ADAT2: variants seen among roughly 807,000 people sequenced by gnomAD.
ADAT2 encodes adenosine deaminase tRNA specific 2.
In ADAT2, 26 loss-of-function variants were observed where a neutral mutation model predicts 25.9. The ratio of observed to expected loss-of-function variants is 1.00; its 90% CI spans 0.74 to 1.39. The LOEUF is 1.39. Among genes scored for constraint, ADAT2 ranks in the 40% most tolerant of loss-of-function variants. The pLI is 0.00. For missense variants in ADAT2, 220 were observed against 244.8 expected (o/e 0.90, Z 0.68); for synonymous variants, 76 against 86.8 (o/e 0.88, Z 0.69).
In ADAT2 at chr6:143,438,814, G is replaced by A; in HGVS notation, c.97-120C>T. The stretch of plus-strand genomic sequence containing the variant: ...ACAAAGACTGAAACAAAGAAGTGCA[G>A]CCTTCCCTTTTCTGGAATATAGTTC... On this transcript the variant is annotated intron_variant, in intron 1 of 5. Transcript: ENST00000237283. 3 of 781,852 alleles carry A rather than the reference G, an allele frequency of 3.8e-6. No homozygotes were observed. In the South Asian group the frequency reaches 4.8e-5, roughly 12 times the overall value. 48.4% of individuals were successfully genotyped at this position (781,852 alleles called of 1,614,324 possible). A position where few individuals can be genotyped will look rare whatever the true frequency, so the allele number is the denominator to read the frequency against.
rs1778894228 is a variant in ADAT2 at position 143,425,248 on chromosome 6, C to T, written c.*3215G>A. 6.6e-6 allele frequency: 1 copy of T among 151,690 alleles called. No individual in the cohort carries two copies. The highest frequency in any genetic ancestry group is 6.6e-5 in the Admixed American group (1 of 15,166). 9.4% of individuals were successfully genotyped at this position (151,690 alleles called of 1,614,324 possible). A position where few individuals can be genotyped will look rare whatever the true frequency, so the allele number is the denominator to read the frequency against. Reference sequence around the variant, plus strand: ...AGCTAAAGGCAGACCGGTGCAGTGGCTCACGTCTATAATCCCAGTGCTTTG... The same window carrying T: ...AGCTAAAGGCAGACCGGTGCAGTGGTTCACGTCTATAATCCCAGTGCTTTG... On this transcript the variant is annotated 3_prime_UTR_variant, in exon 6 of 6. Coordinates refer to ENST00000237283, the MANE Select transcript of ADAT2 (RefSeq NM_182503.3).
At chr6:143,429,197 T>C (rs1583969623) in intron 4 of ADAT2, among the ~76,000 whole-genome samples, 1 of 152,188 alleles carries the variant, frequency 6.6e-6, no homozygotes, top group Admixed American at 6.5e-5. Flanking sequence ...ATCTGTTCCA[T>C]AGCTGAGAAC....
rs1033499127 is a variant in ADAT2, at chr6:143,447,282, C to T, written c.96+3281G>A. Among the ~76,000 whole-genome samples the T allele has an allele frequency of 8.6e-5, 13 of 152,030 alleles. No individual in the cohort carries two copies. The East Asian group carries it at 1.9e-3, about 23-fold the overall frequency. On this transcript the variant is annotated intron_variant, in intron 1 of 5. Coordinates refer to ENST00000237283, the MANE Select transcript of ADAT2 (RefSeq NM_182503.3). Reference sequence around the variant, plus strand: ...AATAGACACATGTGGTTAGTGGCTACGATATTAGGCATTATGGTTTTAGAA... The same window carrying T: ...AATAGACACATGTGGTTAGTGGCTATGATATTAGGCATTATGGTTTTAGAA...
In ADAT2 at chr6:143,440,861, C is replaced by G. The variant is rs1056735776; in HGVS notation, c.97-2167G>C. Among the ~76,000 whole-genome samples the G allele has an allele frequency of 1.3e-5, 2 of 152,160 alleles. No individual in the cohort carries two copies. The highest frequency in any genetic ancestry group is 4.8e-5 in the African/African-American group (2 of 41,446). On this transcript the variant is annotated intron_variant, in intron 1 of 5. Coordinates refer to ENST00000237283, the MANE Select transcript of ADAT2 (RefSeq NM_182503.3). This position sits in a 1 kb window ranked among gnomAD's most constrained non-coding sequence, Gnocchi z 4.5. ...ATCAAGGTACACAGAAGAGACAAATCATTTATTCATGCAAAAAATATTTGT... is the reference window on the plus strand; with the variant it reads ...ATCAAGGTACACAGAAGAGACAAATGATTTATTCATGCAAAAAATATTTGT...
rs773350776 is a variant in ADAT2 at position 143,446,547 on chromosome 6, T to C, written c.96+4016A>G. 6.6e-6 allele frequency among the ~76,000 whole-genome samples: 1 copy of C among 152,166 alleles called. No homozygotes were observed. The highest frequency in any genetic ancestry group is 1.5e-5 in the Non-Finnish European group (1 of 68,032). ...AACTATTACAAAATTGGGGAAAGTA[T>C]ATGCCTCGGCAATTCACAGAAGAAA... On this transcript the variant is annotated intron_variant, in intron 1 of 5. Coordinates refer to ENST00000237283, the MANE Select transcript of ADAT2 (RefSeq NM_182503.3). The surrounding 1 kb of genome is among the most constrained non-coding windows in gnomAD (Gnocchi z 5.0).
rs1778974056 is a variant in ADAT2 at position 143,427,527 on chromosome 6, T to C, written c.*936A>G. 6.6e-6 allele frequency: 1 copy of C among 152,250 alleles called. No homozygotes were observed. Among genetic ancestry groups the C allele is most frequent in the South Asian group, 2.1e-4 (1 of 4,832 alleles). 9.4% of individuals were successfully genotyped at this position (152,250 alleles called of 1,614,324 possible). ...TGTGTTCAAAATTTTACATTTTAGA[T>C]TTTAAATTTATTATATGGATTATAA... On this transcript the variant is annotated 3_prime_UTR_variant, in exon 6 of 6. Coordinates refer to ENST00000237283, the MANE Select transcript of ADAT2 (RefSeq NM_182503.3).
intron 1 of ADAT2, among the ~76,000 whole-genome samples, chr6:143,445,148 G>C (rs990514794): frequency 5.9e-5 from 9 of 151,684 alleles, no homozygotes; most frequent in African/African-American, 1.9e-4. Flanking sequence ...GATTTAAAAA[G>C]TGATAATGTT....
intron 2 of ADAT2, among the ~76,000 whole-genome samples, chr6:143,435,477 G>A (rs1779245326): frequency 6.6e-6 from 1 of 152,080 alleles, no homozygotes; most frequent in African/African-American, 2.4e-5. Context: ...TTATGACACG[G>A]AATAACAAAA....
In ADAT2 at chr6:143,436,861, A is replaced by C. The variant is rs972140060; in HGVS notation, c.201+1729T>G. On this transcript the variant is annotated intron_variant, in intron 2 of 5. Transcript: ENST00000237283. This position sits in a 1 kb window ranked among gnomAD's most constrained non-coding sequence, Gnocchi z 4.1. ...CATTTCCATAGTAAAAAAAATAAAT[A>C]AATAAATAAAAATTAAAAGTATGAC... Among the ~76,000 whole-genome samples the C allele has an allele frequency of 6.6e-6, 1 of 152,102 alleles. No homozygotes were observed. The highest frequency in any genetic ancestry group is 1.5e-5 in the Non-Finnish European group (1 of 68,020).
rs35133336 is a variant in ADAT2, at chr6:143,442,476, T to TACACACACACACACACAC, written c.97-3800_97-3783dup. The stretch of plus-strand genomic sequence containing the variant: ...CATGACAAAATTGCATAGGCACGCA[T>TACACACACACACACACAC]ACACACACACACACACACACACACA... On this transcript the variant is annotated intron_variant, in intron 1 of 5. Coordinates refer to ENST00000237283, the MANE Select transcript of ADAT2 (RefSeq NM_182503.3). The surrounding 1 kb of genome is among the most constrained non-coding windows in gnomAD (Gnocchi z 4.6). Among the ~76,000 whole-genome samples the TACACACACACACACACAC allele has an allele frequency of 2.7e-3, 383 of 142,214 alleles. 9 individuals are homozygous for TACACACACACACACACAC. Among genetic ancestry groups the TACACACACACACACACAC allele is most frequent in the Admixed American group, 0.012 (165 of 14,018 alleles). The allele number at this position is 142,214 out of a possible 152,430, so 93.3% of individuals were successfully genotyped here.
chr6:143,431,358 C>T (rs1391770998), intron 4 of ADAT2, among the ~76,000 whole-genome samples: 1 of 152,202 alleles, frequency 6.6e-6, no homozygotes, highest in Non-Finnish European at 1.5e-5. Flanking sequence ...CATCTTTGTT[C>T]TGCCCAGAAA....
chr6:143,439,474 T>C (rs1378910204), intron 1 of ADAT2, among the ~76,000 whole-genome samples: 1 of 152,082 alleles, frequency 6.6e-6, no homozygotes, highest in Admixed American at 6.6e-5. Context: ...AAACAAACTG[T>C]GTCCTATTCA....
At chr6:143,450,474 C>T in intron 1 of ADAT2, 89 bp downstream of exon 1, 1 of 1,396,036 alleles carries the variant, frequency 7.2e-7, no homozygotes, top group Non-Finnish European at 1.0e-6. Context: ...ATTATGGTGA[C>T]GAGAAAGAAC....
intron 1 of ADAT2, among the ~76,000 whole-genome samples, chr6:143,447,670 T>C (rs1779635321): frequency 6.6e-6 from 1 of 152,268 alleles, no homozygotes; most frequent in East Asian, 1.9e-4. Context: ...CATTAAAATA[T>C]TTTCACTTTG....
Position 143,427,918 on chromosome 6 carries a change from T to A in ADAT2, c.*545A>T, listed in dbSNP as rs536656464. 1.2e-4 allele frequency: 18 copies of A among 152,390 alleles called. No individual in the cohort carries two copies. The highest frequency in any genetic ancestry group is 2.3e-4 in the Non-Finnish European group (16 of 68,158). 9.4% of individuals were successfully genotyped at this position (152,390 alleles called of 1,614,324 possible). On this transcript the variant is annotated 3_prime_UTR_variant, in exon 6 of 6. Coordinates refer to ENST00000237283, the MANE Select transcript of ADAT2 (RefSeq NM_182503.3). ...GTATGCATTTTTTCTAAATGCTTTA[T>A]AAAAGCAAAGTCTTTTCTAAGGACC...
rs1324943607 is a variant in ADAT2, at chr6:143,434,193, C to A, written c.202-212G>T. 6.6e-6 allele frequency among the ~76,000 whole-genome samples: 1 copy of A among 152,116 alleles called. No individual in the cohort carries two copies. Among genetic ancestry groups the A allele is most frequent in the Non-Finnish European group, 1.5e-5 (1 of 68,030 alleles). On this transcript the variant is annotated intron_variant, in intron 2 of 5. Coordinates refer to ENST00000237283, the MANE Select transcript of ADAT2 (RefSeq NM_182503.3). The surrounding 1 kb of genome is among the most constrained non-coding windows in gnomAD (Gnocchi z 4.5). ...GAAAGATATCTAATCAGAGATGCCA[C>A]AGGAATCATGCTGTATTTTTAGTTA...
At position 143,444,916 on chromosome 6, in the gene ADAT2, A is replaced by G. The variant is rs1338130111; in HGVS notation, c.96+5647T>C. On this transcript the variant is annotated intron_variant, in intron 1 of 5. Transcript: ENST00000237283. The surrounding 1 kb of genome is among the most constrained non-coding windows in gnomAD (Gnocchi z 4.3). ...TGATGTCATGATAAAAGGGGGAGAG[A>G]TGGAAACAGACCTTGTTTGCACACA... The G allele has an allele frequency of 7.7e-7, 1 of 1,301,646 alleles. No homozygotes were observed. Among genetic ancestry groups the G allele is most frequent in the East Asian group, 5.6e-5 (1 of 17,872 alleles). 80.6% of individuals were successfully genotyped at this position (1,301,646 alleles called of 1,614,324 possible).
rs1778916427 is a variant in ADAT2 at position 143,425,768 on chromosome 6, T to C, written c.*2695A>G. ...GTGTGTGTGTGTGTGTGTGTGTGTG[T>C]GTGTGTGTGTATTTTATATATATAT... On this transcript the variant is annotated 3_prime_UTR_variant, in exon 6 of 6. Transcript: ENST00000237283. 7.6e-6 allele frequency: 1 copy of C among 131,644 alleles called. No homozygotes were observed. The highest frequency in any genetic ancestry group is 7.6e-5 in the Admixed American group (1 of 13,178). 8.2% of individuals were successfully genotyped at this position (131,644 alleles called of 1,614,324 possible).
intron 1 of ADAT2, 118 bp downstream of exon 1, chr6:143,450,445 A>C: frequency 1.8e-6 from 2 of 1,106,562 alleles, no homozygotes; most frequent in Non-Finnish European, 1.3e-6. Context: ...TTCACCCAGA[A>C]CATCTGACTG....
Sources: allele counts gnomAD v4.1 joint callset (sites outside exome capture counted in the v4.1 genomes callset), GRCh38; gene constraint gnomAD v4.1.1; non-coding constraint Gnocchi (gnomAD v3.1); transcripts MANE v1.5; gene names NCBI Gene and HGNC (gene_info 2026-07-23, HGNC 2026-07-21).